The following LRP1B variants were observed in gnomAD, a reference collection of about 807,000 sequenced individuals.
LRP1B encodes the protein low-density lipoprotein receptor-related protein 1B.
In LRP1B, 217 loss-of-function variants were observed where a neutral mutation model predicts 556.6. The ratio of observed to expected loss-of-function variants is 0.39; its 90% CI spans 0.35 to 0.44. The LOEUF is 0.44. Among genes scored for constraint, LRP1B ranks in the 20% least tolerant of loss-of-function variants. LRP1B has a pLI of 1.00. For synonymous variants in LRP1B, 2,047 were observed against 1,865.8 expected (o/e 1.10, Z -2.50); for missense variants, 5,053 against 5,620.8 (o/e 0.90, Z 3.23).
At chr2:140,751,907 C>T (rs767893372) in intron 35 of LRP1B, among the ~76,000 whole-genome samples, 8 of 152,010 alleles carry the variant, frequency 5.3e-5, no homozygotes, top group African/African-American at 1.5e-4. Flanking sequence ...GAGAAAAAAA[C>T]GAATACCCAT....
chr2:140,481,065 C>G (rs575896784), intron 59 of LRP1B, among the ~76,000 whole-genome samples: 1 of 152,226 alleles, frequency 6.6e-6, no homozygotes, highest in South Asian at 2.1e-4. Context: ...GGGGGTTTCA[C>G]TATGTTGGCC....
At chr2:140,263,879 C>A (rs559902167) in intron 86 of LRP1B, among the ~76,000 whole-genome samples, 2 of 151,536 alleles carry the variant, frequency 1.3e-5, no homozygotes, top group African/African-American at 4.8e-5. Flanking sequence ...GCCACAGTCA[C>A]CTTTTTAGGT....
chr2:141,725,010 G>A (rs569369493), intron 2 of LRP1B, among the ~76,000 whole-genome samples: 2 of 151,760 alleles, frequency 1.3e-5, no homozygotes, highest in African/African-American at 4.8e-5. Flanking sequence ...TATGTCTCCT[G>A]GTCATTAGGT....
At chr2:142,086,124 G>C (rs994675088) in intron 1 of LRP1B, among the ~76,000 whole-genome samples, 2 of 152,132 alleles carry the variant, frequency 1.3e-5, no homozygotes, top group Non-Finnish European at 2.9e-5. Context: ...GGTGTATCTA[G>C]AACTGTCTCA....
chr2:141,975,473 C>A (rs1701860204), intron 1 of LRP1B, among the ~76,000 whole-genome samples: 1 of 151,986 alleles, frequency 6.6e-6, no homozygotes, highest in Admixed American at 6.6e-5. Context: ...CCAGGCAAAG[C>A]CACAGAACAG....
At chr2:140,534,588 C>G (rs1690865905) in intron 46 of LRP1B, among the ~76,000 whole-genome samples, 1 of 152,106 alleles carries the variant, frequency 6.6e-6, no homozygotes, top group Non-Finnish European at 1.5e-5. Context: ...GAATCAGTGT[C>G]TCATGGAGTC....
At chr2:140,329,280 G>A (rs770082230) in intron 79 of LRP1B, among the ~76,000 whole-genome samples, 1 of 152,004 alleles carries the variant, frequency 6.6e-6, no homozygotes, top group Non-Finnish European at 1.5e-5. Context: ...CAAACCCATA[G>A]CCAATATCAC....
At chr2:141,224,755 G>A (rs1245465990) in intron 6 of LRP1B, among the ~76,000 whole-genome samples, 1 of 151,980 alleles carries the variant, frequency 6.6e-6, no homozygotes, top group Non-Finnish European at 1.5e-5. Flanking sequence ...CGTTCAAGTG[G>A]GAGCTGAACA....
chr2:140,571,085 A>G (rs963592685), intron 43 of LRP1B, among the ~76,000 whole-genome samples: 29 of 151,826 alleles, frequency 1.9e-4, no homozygotes, highest in African/African-American at 6.8e-4. Flanking sequence ...CTTTTTCTTT[A>G]AGAACTGGAA....
At chr2:140,876,130 G>C (rs1693297477) in intron 25 of LRP1B, among the ~76,000 whole-genome samples, 1 of 152,114 alleles carries the variant, frequency 6.6e-6, no homozygotes, top group Non-Finnish European at 1.5e-5. Flanking sequence ...GAGCTGAAAT[G>C]TTTATGAGTA....
At chr2:140,850,353 T>G (rs915649445) in intron 28 of LRP1B, 24 bp from the exon 29 acceptor site, 1 of 1,462,160 alleles carries the variant, frequency 6.8e-7, no homozygotes, top group African/African-American at 1.4e-5. Context: ...AGAAATTCTT[T>G]TCTCTTATGA....
At chr2:140,848,165 G>A (rs1692333602) in intron 29 of LRP1B, among the ~76,000 whole-genome samples, 1 of 152,126 alleles carries the variant, frequency 6.6e-6, no homozygotes, top group Non-Finnish European at 1.5e-5. Context: ...TCAATCTTCA[G>A]AGACACCTAA....
rs929540704 is a variant in LRP1B, at chr2:141,671,778, T to C, written c.205+138501A>G. 5.3e-5 allele frequency among the ~76,000 whole-genome samples: 8 copies of C among 151,946 alleles called. No individual in the cohort carries two copies. The South Asian group carries it at 8.3e-4, about 16-fold the overall frequency. ...GGTAATCAAAAAACATATACATAAATGAATGCTATCAGCAAACATACAAAT... is the reference window on the plus strand; with the variant it reads ...GGTAATCAAAAAACATATACATAAACGAATGCTATCAGCAAACATACAAAT... On this transcript the variant is annotated intron_variant, in intron 2 of 90. Transcript: ENST00000389484.
intron 1 of LRP1B, among the ~76,000 whole-genome samples, chr2:141,972,531 T>G (rs1701771348): frequency 6.6e-6 from 1 of 151,344 alleles, no homozygotes; most frequent in Non-Finnish European, 1.5e-5. Flanking sequence ...AAGTTCTGTA[T>G]TTTCAAAATT....
At chr2:140,429,077 C>T (rs1685796770) in intron 66 of LRP1B, among the ~76,000 whole-genome samples, 1 of 152,108 alleles carries the variant, frequency 6.6e-6, no homozygotes, top group African/African-American at 2.4e-5. Flanking sequence ...ATCATGCACC[C>T]CTTACCATCT....
chr2:141,544,299 T>C (rs1037508167), intron 2 of LRP1B, among the ~76,000 whole-genome samples: 19 of 1,628 alleles, frequency 0.012, no homozygotes, highest in African/African-American at 0.027. Context: ...TTTACCACTC[T>C]TCTTCTTCTT....
At chr2:141,385,081 C>A (rs1431246475) in intron 3 of LRP1B, among the ~76,000 whole-genome samples, 1 of 152,082 alleles carries the variant, frequency 6.6e-6, no homozygotes, top group East Asian at 1.9e-4. Context: ...CTGGTTTTCC[C>A]AACACTTAGG....
intron 3 of LRP1B, among the ~76,000 whole-genome samples, chr2:141,350,092 C>T (rs142644688): frequency 2.0e-5 from 3 of 152,110 alleles, no homozygotes; most frequent in African/African-American, 4.8e-5. Context: ...TCATGAGACC[C>T]CCTCACTGTC....
At chr2:140,540,703 C>T (rs1398832068) in intron 45 of LRP1B, among the ~76,000 whole-genome samples, 1 of 151,940 alleles carries the variant, frequency 6.6e-6, no homozygotes, top group Non-Finnish European at 1.5e-5. Context: ...TCATTGTGTG[C>T]AGACACTTCT....
Sources: gnomAD v4.1 joint callset for allele counts (sites outside exome capture counted in the v4.1 genomes callset) on GRCh38, gnomAD v4.1.1 for gene constraint, MANE v1.5 for transcripts, NCBI Gene and HGNC (gene_info 2026-07-23, HGNC 2026-07-21) for gene names.